KCNAB1: variants seen among roughly 807,000 people sequenced by gnomAD.
KCNAB1 encodes potassium voltage-gated channel subfamily A regulatory beta subunit 1, also known as voltage-gated potassium channel subunit beta-1.
KCNAB1 carries 35 observed loss-of-function variants against 64.6 expected under a neutral mutation model. The ratio of observed to expected loss-of-function variants is 0.54; its 90% CI spans 0.41 to 0.72. KCNAB1 has a LOEUF of 0.72. Ranked by LOEUF, KCNAB1 falls within the 30% of genes least tolerant of loss-of-function variation. The probability of loss-of-function intolerance (pLI) is 0.00; values close to 1 mark genes in which losing one functional copy is unlikely to be tolerated. For synonymous variants in KCNAB1, 177 were observed against 183.8 expected, an observed-to-expected ratio of 0.96 and a Z score of 0.30; for missense variants, 401 against 512.9, an observed-to-expected ratio of 0.78 and a Z score of 2.11.
intron 1 of KCNAB1, among the ~76,000 whole-genome samples, chr3:156,172,282 C>CTT (rs55927447): frequency 0.47 from 67,537 of 143,576 alleles, 17,484 homozygotes; most frequent in East Asian, 0.75. Context: ...ATTCAAATGG[C>CTT]TTTTTTTTTT....
At chr3:156,238,144 C>T (rs2108444679) in intron 1 of KCNAB1, among the ~76,000 whole-genome samples, 1 of 152,286 alleles carries the variant, frequency 6.6e-6, no homozygotes, top group East Asian at 1.9e-4. Flanking sequence ...GGGTTGCCGG[C>T]CGGGCGTGGT....
intron 8 of KCNAB1, among the ~76,000 whole-genome samples, chr3:156,489,258 A>C (rs1047936260): frequency 6.6e-6 from 1 of 152,086 alleles, no homozygotes; most frequent in African/African-American, 2.4e-5. Context: ...AGGACTGAGG[A>C]CTGAGCTCTG....
At chr3:156,120,335 C>T (rs1297941008), upstream of KCNAB1, among the ~76,000 whole-genome samples, 1 of 152,194 alleles carries the variant, frequency 6.6e-6, no homozygotes, top group African/African-American at 2.4e-5. Context: ...GAAACAGCCA[C>T]TGCCAAACTT....
At chr3:156,218,843 A>T (rs912122223) in intron 1 of KCNAB1, among the ~76,000 whole-genome samples, 13 of 148,708 alleles carry the variant, frequency 8.7e-5, no homozygotes, top group Admixed American at 8.0e-4. Context: ...ATAAATAAAT[A>T]TAAAAAAAAT....
chr3:156,119,871 T>C (rs1713240248), upstream of KCNAB1, among the ~76,000 whole-genome samples: 1 of 152,094 alleles, frequency 6.6e-6, no homozygotes, highest in Non-Finnish European at 1.5e-5. Context: ...CTCCCACCAT[T>C]CCCTCCCACT....
At chr3:156,538,644 T>A (rs746087978), downstream of KCNAB1, 7 of 152,270 alleles carry the variant, frequency 4.6e-5, no homozygotes, top group Non-Finnish European at 1.5e-5. Context: ...AAGGCTTATG[T>A]GTATTTTCCA....
At chr3:156,247,872 G>C (rs1389728507) in intron 1 of KCNAB1, among the ~76,000 whole-genome samples, 11 of 151,338 alleles carry the variant, frequency 7.3e-5, no homozygotes, top group Admixed American at 6.6e-4. Context: ...GTCTAGGACA[G>C]TCTTTTTTTT....
intron 8 of KCNAB1, among the ~76,000 whole-genome samples, chr3:156,490,791 A>G (rs1056260083): frequency 6.6e-6 from 1 of 152,176 alleles, no homozygotes; most frequent in Non-Finnish European, 1.5e-5. Context: ...TCGCAAAGCA[A>G]TACAAGAAAA....
At chr3:156,367,340 TA>T (rs1323578248) in intron 1 of KCNAB1, among the ~76,000 whole-genome samples, 1 of 130,066 alleles carries the variant, frequency 7.7e-6, no homozygotes, top group Non-Finnish European at 1.6e-5. Context: ...TACGCCCAGC[TA>T]ATTTTTTTTT....
intron 1 of KCNAB1, among the ~76,000 whole-genome samples, chr3:156,171,194 TACACAC>T (rs779486541): frequency 1.4e-5 from 2 of 147,716 alleles, no homozygotes; most frequent in African/African-American, 2.5e-5. Context: ...CACGCACACA[TACACAC>T]ACACACACAC....
chr3:156,343,547 A>G (rs1293171421), intron 1 of KCNAB1, among the ~76,000 whole-genome samples: 3 of 152,210 alleles, frequency 2.0e-5, no homozygotes, highest in African/African-American at 7.2e-5. Flanking sequence ...GGGCCTTTTC[A>G]GCCTCCGCAG....
rs139429883 is a variant in KCNAB1 at position 156,193,726 on chromosome 3, T to C, written c.275+72840T>C. On this transcript the variant is annotated intron_variant, in intron 1 of 13. Coordinates refer to ENST00000490337, the MANE Select transcript of KCNAB1 (RefSeq NM_172160.3). ...GAAAACATGGGGGAAACTGCTCCCA[T>C]GATCCAAACACCTCCTACCAGGTCC... 2.6e-3 allele frequency among the ~76,000 whole-genome samples: 391 copies of C among 152,298 alleles called. 3 individuals carry two copies. Among genetic ancestry groups the C allele is most frequent in the African/African-American group, 8.7e-3 (361 of 41,578 alleles).
chr3:156,505,456 A>T (rs1445063834), intron 8 of KCNAB1, among the ~76,000 whole-genome samples: 1 of 152,138 alleles, frequency 6.6e-6, no homozygotes, highest in Non-Finnish European at 1.5e-5. Context: ...TGGAATTTTG[A>T]TAGGGATTAC....
At chr3:156,436,982 G>T (rs1477742125) in intron 2 of KCNAB1, among the ~76,000 whole-genome samples, 2 of 152,146 alleles carry the variant, frequency 1.3e-5, no homozygotes, top group Non-Finnish European at 2.9e-5. Context: ...GGAAGTCTTT[G>T]CCTGTGCCAT....
intron 1 of KCNAB1, among the ~76,000 whole-genome samples, chr3:156,164,726 T>C (rs918612065): frequency 6.6e-6 from 1 of 152,204 alleles, no homozygotes; most frequent in African/African-American, 2.4e-5. Flanking sequence ...GATGGAGATC[T>C]AGGGCTCAGG....
At chr3:156,353,190 C>T (rs772809673) in intron 1 of KCNAB1, among the ~76,000 whole-genome samples, 1 of 152,188 alleles carries the variant, frequency 6.6e-6, no homozygotes. Flanking sequence ...ACTGTTAATC[C>T]ACAGCTTTCT....
At chr3:156,334,466 G>A (rs1331408897) in intron 1 of KCNAB1, among the ~76,000 whole-genome samples, 1 of 67,146 alleles carries the variant, frequency 1.5e-5, no homozygotes, top group African/African-American at 1.7e-4. Context: ...ATATGGACCT[G>A]GGGCAAAACC....
intron 1 of KCNAB1, among the ~76,000 whole-genome samples, chr3:156,297,224 T>C (rs1720847551): frequency 6.6e-6 from 1 of 150,434 alleles, no homozygotes; most frequent in African/African-American, 2.4e-5. Context: ...GTTTCAAGAA[T>C]ATAAATGGCA....
At chr3:156,122,657 G>A (rs1235879330) in intron 1 of KCNAB1, among the ~76,000 whole-genome samples, 1 of 152,138 alleles carries the variant, frequency 6.6e-6, no homozygotes, top group Non-Finnish European at 1.5e-5. Flanking sequence ...CAATAGCATG[G>A]TGTTTCCCTT....
Sources: allele counts gnomAD v4.1 joint callset (sites outside exome capture counted in the v4.1 genomes callset), GRCh38; gene constraint gnomAD v4.1.1; transcripts MANE v1.5; gene names NCBI Gene and HGNC (gene_info 2026-07-23, HGNC 2026-07-21).